UHRF1: variants seen among roughly 807,000 people sequenced by gnomAD.
UHRF1 encodes the protein ubiquitin like with PHD and ring finger domains 1.
In UHRF1, 9 loss-of-function variants were observed where a neutral mutation model predicts 96.5. The observed-to-expected ratio is 0.09, with a 90% CI of 0.06 to 0.16. The LOEUF (loss-of-function observed/expected upper bound fraction) is 0.16. Ranked by LOEUF, UHRF1 falls within the 10% of genes least tolerant of loss-of-function variation. UHRF1 has a pLI of 1.00. For synonymous variants in UHRF1, 455 were observed against 469.9 expected (o/e 0.97, Z 0.41); for missense variants, 626 against 1,131.1 (o/e 0.55, Z 6.40).
chr19:4,942,341 C>T (rs2033432446), intron 7 of UHRF1, among the ~76,000 whole-genome samples: 3 of 151,998 alleles, frequency 2.0e-5, no homozygotes, highest in Admixed American at 6.6e-5. Context: ...CAGGCGCCCG[C>T]CTCCACGCCT....
chr19:4,904,152 C>T (rs185735341), intron 1 of UHRF1, among the ~76,000 whole-genome samples: 76 of 150,684 alleles, frequency 5.0e-4, no homozygotes, highest in African/African-American at 9.8e-4. Context: ...CCCCCGTGCC[C>T]GGCTAATTTT....
Position 4,954,847 on chromosome 19 carries a change from G to A in UHRF1, c.2130+25G>A, listed in dbSNP as rs189793267. ...GGTAGGCTCGCACGGCTCACTCGTC[G>A]CCCTGATTTGCGTTGACTGCGGTAA... On this transcript the variant is annotated intron_variant, in intron 15 of 16. Coordinates refer to ENST00000650932, the MANE Select transcript of UHRF1 (RefSeq NM_001048201.3). This position sits in a 1 kb window ranked among gnomAD's most constrained non-coding sequence, Gnocchi z 5.9. The A allele has an allele frequency of 5.9e-5, 95 of 1,609,798 alleles. No homozygotes were observed. Among genetic ancestry groups the A allele is most frequent in the Admixed American group, 8.5e-5 (5 of 59,064 alleles).
intron 3 of UHRF1, 127 bp downstream of exon 3, chr19:4,929,603 C>A: frequency 1.5e-6 from 2 of 1,347,198 alleles, no homozygotes; most frequent in Non-Finnish European, 2.0e-6. Flanking sequence ...CAGAAATGGC[C>A]AAGGGGTGGT....
intron 2 of UHRF1, among the ~76,000 whole-genome samples, chr19:4,921,277 T>TA (rs2032694678): frequency 6.7e-6 from 1 of 150,114 alleles, no homozygotes; most frequent in African/African-American, 2.5e-5. Flanking sequence ...CCATCTCTAC[T>TA]AAAAATACAA....
At chr19:4,922,995 TGA>T (rs1163256605) in intron 2 of UHRF1, among the ~76,000 whole-genome samples, 4 of 152,216 alleles carry the variant, frequency 2.6e-5, no homozygotes, top group South Asian at 4.1e-4. Context: ...TAGTAACAGA[TGA>T]GAGGGGATGG....
intron 5 of UHRF1, among the ~76,000 whole-genome samples, chr19:4,940,238 G>A (rs2033349153): frequency 6.6e-6 from 1 of 151,668 alleles, no homozygotes; most frequent in Non-Finnish European, 1.5e-5. Flanking sequence ...GTGTGTTCAA[G>A]TGCTGTTTCC....
At chr19:4,939,077 C>T (rs2033306335) in intron 5 of UHRF1, among the ~76,000 whole-genome samples, 1 of 142,852 alleles carries the variant, frequency 7.0e-6, no homozygotes, top group African/African-American at 2.5e-5. Context: ...CTGCACCTGG[C>T]TCATTTTTTT....
intron 16 of UHRF1, among the ~76,000 whole-genome samples, chr19:4,960,153 T>C (rs931058684): frequency 1.3e-5 from 2 of 152,228 alleles, no homozygotes; most frequent in African/African-American, 4.8e-5. Context: ...ATGCTTGGCC[T>C]GATGTGTGTG....
chr19:4,955,234 C>G (rs993155058), intron 15 of UHRF1, among the ~76,000 whole-genome samples: 10 of 152,208 alleles, frequency 6.6e-5, no homozygotes, highest in African/African-American at 2.4e-4. Flanking sequence ...ATGGGCCTTG[C>G]TGGGCTAAAG....
At chr19:4,909,489 G>C, upstream of UHRF1, 1 of 655,156 alleles carries the variant, frequency 1.5e-6, no homozygotes, top group African/African-American at 1.9e-5. Context: ...GAGTTTTCGC[G>C]GGAAAAAAAT....
At chr19:4,908,091 T>C (rs1202327418), upstream of UHRF1, among the ~76,000 whole-genome samples, 2 of 152,164 alleles carry the variant, frequency 1.3e-5, no homozygotes, top group Non-Finnish European at 2.9e-5. Context: ...TTTTCACTTA[T>C]TAGGACCTTT....
Position 4,943,495 on chromosome 19 carries a change from G to GCCC in UHRF1, c.1074-632_1074-630dup, listed in dbSNP as rs368362097. On this transcript the variant is annotated intron_variant, in intron 7 of 16. Coordinates refer to ENST00000650932, the MANE Select transcript of UHRF1 (RefSeq NM_001048201.3). ...CAGAAGTGGGTGTTGTTGTTGCCCT[G>GCCC]CCCCCCCTCCCCACATCGTAGAGAT... Among the ~76,000 whole-genome samples, 299 of 133,096 alleles carry GCCC rather than the reference G, an allele frequency of 2.2e-3. 2 individuals are homozygous for GCCC. Among genetic ancestry groups the GCCC allele is most frequent in the East Asian group, 3.9e-3 (17 of 4,378 alleles). 87.3% of individuals were successfully genotyped at this position (133,096 alleles called of 152,430 possible). A position where few individuals can be genotyped will look rare whatever the true frequency, so the allele number is the denominator to read the frequency against.
upstream of UHRF1, among the ~76,000 whole-genome samples, chr19:4,907,940 G>A (rs1290268433): frequency 6.6e-6 from 1 of 151,738 alleles, no homozygotes; most frequent in Non-Finnish European, 1.5e-5. Context: ...TCGAACTCCT[G>A]ACCTCAGGTG....
intron 5 of UHRF1, among the ~76,000 whole-genome samples, chr19:4,937,511 A>C (rs1419611525): frequency 6.6e-6 from 1 of 151,726 alleles, no homozygotes. Flanking sequence ...ACAGGTGCGT[A>C]TGCCAGCACA....
At chr19:4,921,138 A>G (rs1249512621) in intron 2 of UHRF1, among the ~76,000 whole-genome samples, 1 of 146,950 alleles carries the variant, frequency 6.8e-6, no homozygotes, top group Non-Finnish European at 1.5e-5. Context: ...AGAAAAAAAA[A>G]GAAAGAAAAT....
chr19:4,932,749 A>T lies in UHRF1; in HGVS notation c.578A>T (p.Glu193Val). ...IYHVKYDDYP[E>V]NGVVQMNSRD... ...CCGGGCTTTCCTCCCAGCTACCCGG[A>T]GAACGGCGTGGTCCAGATGAACTCC... Residue 193 changes from glutamate (E) to valine (V), a missense_variant, in exon 5 of 17, where the codon GAG becomes GTG. Glu to Val is a moderately radical substitution (Grantham distance 121). This residue lies in a region of UHRF1 where 198 missense variants were observed against 235.1 expected (regional missense o/e 0.84). Coordinates refer to ENST00000650932, the MANE Select transcript of UHRF1 (RefSeq NM_001048201.3). 1 of 1,613,652 alleles carries T rather than the reference A, an allele frequency of 6.2e-7. No homozygotes were observed. Among genetic ancestry groups the T allele is most frequent in the Non-Finnish European group, 8.5e-7 (1 of 1,179,728 alleles).
chr19:4,943,358 T>G (rs1269077363), intron 7 of UHRF1, among the ~76,000 whole-genome samples: 1 of 152,006 alleles, frequency 6.6e-6, no homozygotes, highest in Non-Finnish European at 1.5e-5. Flanking sequence ...GAGAGGAGGT[T>G]TCGTAGCCAC....
intron 2 of UHRF1, among the ~76,000 whole-genome samples, chr19:4,927,887 C>G (rs1206219690): frequency 1.3e-5 from 2 of 152,246 alleles, no homozygotes; most frequent in African/African-American, 2.4e-5. Flanking sequence ...ATCCTGCTCG[C>G]ACCAGGCACG....
intron 2 of UHRF1, among the ~76,000 whole-genome samples, chr19:4,914,454 T>C (rs549574213): frequency 6.6e-6 from 1 of 152,146 alleles, no homozygotes; most frequent in South Asian, 2.1e-4. Flanking sequence ...TGCAGTGAAG[T>C]TGATGGAGAC....
Sources: allele counts gnomAD v4.1 joint callset (sites outside exome capture counted in the v4.1 genomes callset), GRCh38; gene constraint gnomAD v4.1.1; regional missense constraint gnomAD v4.1.1; non-coding constraint Gnocchi (gnomAD v3.1); transcripts MANE v1.5; gene names NCBI Gene and HGNC (gene_info 2026-07-23, HGNC 2026-07-21).